The following GDAP2 variants were observed in gnomAD, a reference collection of about 807,000 sequenced individuals.
GDAP2 encodes ganglioside induced differentiation associated protein 2.
Under a neutral mutation model 67.0 loss-of-function variants are expected in GDAP2, and 51 were observed. The observed-to-expected ratio is 0.76, with a 90% CI of 0.61 to 0.96. The LOEUF is 0.96. Among genes scored for constraint, GDAP2 ranks in the 40% least tolerant of loss-of-function variants. GDAP2 has a pLI of 0.00. For missense variants in GDAP2, 547 were observed against 588.3 expected, an observed-to-expected ratio of 0.93 and a Z score of 0.73; for synonymous variants, 203 against 207.3, an observed-to-expected ratio of 0.98 and a Z score of 0.18.
At chr1:117,889,767 A>G (rs1649002812) in intron 8 of GDAP2, among the ~76,000 whole-genome samples, 1 of 152,130 alleles carries the variant, frequency 6.6e-6, no homozygotes, top group Admixed American at 6.6e-5. Context: ...AAATCATTCT[A>G]TTATATACTA....
rs1052951863 is a variant in GDAP2 at position 117,868,769 on chromosome 1, G to A, written c.*1800C>T. Reference sequence around the variant, plus strand: ...GTTAAAAAAAAAGTACTGTTTGAGAGAAAGCTTAACATCCGACATCTGACT... The same window carrying A: ...GTTAAAAAAAAAGTACTGTTTGAGAAAAAGCTTAACATCCGACATCTGACT... On this transcript the variant is annotated 3_prime_UTR_variant, in exon 14 of 14. Coordinates refer to ENST00000369443, the MANE Select transcript of GDAP2 (RefSeq NM_017686.4). 2.0e-5 allele frequency: 3 copies of A among 152,124 alleles called. No individual in the cohort carries two copies. Among genetic ancestry groups the A allele is most frequent in the African/African-American group, 7.2e-5 (3 of 41,456 alleles). The allele number at this position is 152,124 out of a possible 1,614,324, so 9.4% of individuals were successfully genotyped here.
intron 10 of GDAP2, 83 bp downstream of exon 10, chr1:117,886,494 T>C (rs1332717004): frequency 1.3e-6 from 1 of 771,958 alleles, no homozygotes; most frequent in South Asian, 1.5e-5. Flanking sequence ...TTGATTCATA[T>C]TGTAGGCCTT....
Position 117,920,257 on chromosome 1 carries a change from G to A in GDAP2, c.101C>T (p.Ala34Val). The A allele has an allele frequency of 6.2e-7, 1 of 1,606,454 alleles. No homozygotes were observed. Among genetic ancestry groups the A allele is most frequent in the Non-Finnish European group, 8.5e-7 (1 of 1,173,396 alleles). ...AACAGTGTCTTCCTGAAATATTTCA[G>A]CTGTAGTATCAGAGGAATTTAATTC... ...QDELNSSDTTAEIFQEDTVRS... is the reference protein window; with the variant it reads ...QDELNSSDTTVEIFQEDTVRS... The change falls in exon 2 of 14, where the codon GCT (alanine) becomes GTT (valine). Residue 34 changes from alanine (A) to valine (V), a missense_variant. Transcript: ENST00000369443.
At chr1:117,921,394 T>C (rs1650250605) in intron 1 of GDAP2, among the ~76,000 whole-genome samples, 1 of 152,190 alleles carries the variant, frequency 6.6e-6, no homozygotes, top group African/African-American at 2.4e-5. Context: ...CAAGCGGGTA[T>C]CTAACAGAAT....
chr1:117,887,009 G>A (rs191697900), intron 9 of GDAP2, among the ~76,000 whole-genome samples: 234 of 152,112 alleles, frequency 1.5e-3, no homozygotes, highest in Non-Finnish European at 2.8e-3. Flanking sequence ...TGCAGCCTCC[G>A]TCTCCAACTC....
chr1:117,921,980 G>C (rs1462168684), intron 1 of GDAP2, among the ~76,000 whole-genome samples: 2 of 152,148 alleles, frequency 1.3e-5, no homozygotes, highest in East Asian at 1.9e-4. Flanking sequence ...TTGAGTAAAT[G>C]TTATGCTATT....
chr1:117,885,680 T>C (rs898415283), intron 10 of GDAP2, among the ~76,000 whole-genome samples: 1 of 152,198 alleles, frequency 6.6e-6, no homozygotes, highest in South Asian at 2.1e-4. Context: ...GTTTGAGGAC[T>C]TAGCCAGAAG....
intron 6 of GDAP2, among the ~76,000 whole-genome samples, chr1:117,900,017 C>T (rs1022921248): frequency 6.6e-6 from 1 of 151,898 alleles, no homozygotes; most frequent in African/African-American, 2.4e-5. Flanking sequence ...CTTTTAAATA[C>T]ATATATAAGA....
chr1:117,911,635 A>G (rs1331248443), intron 5 of GDAP2, among the ~76,000 whole-genome samples: 1 of 152,188 alleles, frequency 6.6e-6, no homozygotes, highest in Non-Finnish European at 1.5e-5. Flanking sequence ...TCAAATGGAT[A>G]AAAATGCCAA....
intron 10 of GDAP2, among the ~76,000 whole-genome samples, chr1:117,885,730 T>C (rs544435846): frequency 1.3e-5 from 2 of 152,332 alleles, no homozygotes; most frequent in Non-Finnish European, 2.9e-5. Flanking sequence ...TCTTAAATTC[T>C]GTGTAATTTT....
At chr1:117,885,894 T>A (rs1364845172) in intron 10 of GDAP2, among the ~76,000 whole-genome samples, 1 of 152,176 alleles carries the variant, frequency 6.6e-6, no homozygotes, top group African/African-American at 2.4e-5. Context: ...GTATGAGTAT[T>A]CTGATTTGAA....
At chr1:117,907,579 G>A (rs1278833166) in intron 5 of GDAP2, among the ~76,000 whole-genome samples, 1 of 152,164 alleles carries the variant, frequency 6.6e-6, no homozygotes, top group Non-Finnish European at 1.5e-5. Flanking sequence ...ATCCAAGCTA[G>A]AATCCTGAAT....
intron 6 of GDAP2, among the ~76,000 whole-genome samples, chr1:117,901,545 G>A (rs191130964): frequency 5.8e-4 from 88 of 152,202 alleles, no homozygotes; most frequent in African/African-American, 1.8e-3. Flanking sequence ...GTCTCCCTTC[G>A]TAATTATAGC....
rs527439846 is a variant in GDAP2, at chr1:117,878,777, C to A, written c.1303-625G>T. 2.6e-5 allele frequency among the ~76,000 whole-genome samples: 4 copies of A among 152,264 alleles called. No homozygotes were observed. In the South Asian group the frequency reaches 6.2e-4, roughly 24 times the overall value. ...GTTCCCAAAAAAAGGATAAAAAATTCTTGATACCAAACAATACTGACATAA... is the reference window on the plus strand; with the variant it reads ...GTTCCCAAAAAAAGGATAAAAAATTATTGATACCAAACAATACTGACATAA... On this transcript the variant is annotated intron_variant, in intron 12 of 13. Coordinates refer to ENST00000369443, the MANE Select transcript of GDAP2 (RefSeq NM_017686.4).
At chr1:117,881,741 A>T in intron 12 of GDAP2, 82 bp downstream of exon 12, 1 of 783,176 alleles carries the variant, frequency 1.3e-6, no homozygotes, top group Non-Finnish European at 2.3e-6. Context: ...AGCAACAATT[A>T]AGTTGCTGAG....
chr1:117,877,730 A>G, intron 13 of GDAP2: 1 of 1,135,464 alleles, frequency 8.8e-7, no homozygotes, highest in Non-Finnish European at 1.1e-6. Flanking sequence ...TGTTTTAAAT[A>G]TGGTAGAAAA....
chr1:117,895,226 A>G (rs945654666), intron 8 of GDAP2, among the ~76,000 whole-genome samples: 1 of 152,202 alleles, frequency 6.6e-6, no homozygotes, highest in Non-Finnish European at 1.5e-5. Context: ...GAATATCCCA[A>G]TTATTTTAAA....
At chr1:117,925,779 AT>A (rs2101175042) in intron 1 of GDAP2, among the ~76,000 whole-genome samples, 1 of 152,292 alleles carries the variant, frequency 6.6e-6, no homozygotes, top group African/African-American at 2.4e-5. Context: ...TTCTCCTAAG[AT>A]TATTGTGAGC....
At chr1:117,894,111 T>C (rs1393123164) in intron 8 of GDAP2, among the ~76,000 whole-genome samples, 3 of 151,892 alleles carry the variant, frequency 2.0e-5, no homozygotes, top group Non-Finnish European at 2.9e-5. Flanking sequence ...TGAGAGAATG[T>C]GAATGAAAAA....
Sources: gnomAD v4.1 joint callset for allele counts (sites outside exome capture counted in the v4.1 genomes callset) on GRCh38, gnomAD v4.1.1 for gene constraint, MANE v1.5 for transcripts, NCBI Gene and HGNC (gene_info 2026-07-23, HGNC 2026-07-21) for gene names.